PARD3: variants seen among roughly 807,000 people sequenced by gnomAD.
The protein encoded by PARD3 is par-3 family cell polarity regulator.
PARD3 carries 75 observed loss-of-function variants against 155.4 expected under a neutral mutation model. The ratio of observed to expected loss-of-function variants is 0.48; its 90% CI spans 0.40 to 0.58. The LOEUF is 0.58. Ranked by LOEUF, PARD3 falls within the 20% of genes least tolerant of loss-of-function variation. The pLI, the probability that PARD3 is intolerant of heterozygous loss-of-function variation, is 0.00. For synonymous variants in PARD3, 576 were observed against 610.5 expected, an observed-to-expected ratio of 0.94 and a Z score of 0.83; for missense variants, 1,642 against 1,721.7, an observed-to-expected ratio of 0.95 and a Z score of 0.82.
chr10:34,209,923 T>A (rs1951658218), intron 22 of PARD3, among the ~76,000 whole-genome samples: 1 of 152,182 alleles, frequency 6.6e-6, no homozygotes. Flanking sequence ...ACTTTAATAT[T>A]TATATGTAAA....
chr10:34,754,853 C>CA (rs1268477269), intron 1 of PARD3, among the ~76,000 whole-genome samples: 1 of 152,166 alleles, frequency 6.6e-6, no homozygotes, highest in Non-Finnish European at 1.5e-5. Context: ...TAACTAATAA[C>CA]AGAAAGAGAC....
chr10:34,195,639 G>C (rs1049833592), intron 22 of PARD3, among the ~76,000 whole-genome samples: 15 of 152,166 alleles, frequency 9.9e-5, no homozygotes, highest in African/African-American at 3.1e-4. Context: ...ACATAACTAA[G>C]AATATAAGGC....
intron 22 of PARD3, among the ~76,000 whole-genome samples, chr10:34,145,221 ATTTTTT>A (rs57442429): frequency 0.076 from 2,476 of 32,770 alleles, 71 homozygotes; most frequent in Non-Finnish European, 0.1. Flanking sequence ...ATATATATAT[ATTTTTT>A]TTTTTTTTTT....
At chr10:34,132,383 T>C (rs190779008) in intron 22 of PARD3, among the ~76,000 whole-genome samples, 1 of 114,568 alleles carries the variant, frequency 8.7e-6, no homozygotes, top group African/African-American at 3.4e-5. Context: ...AGAAGATAAG[T>C]GGTTCATTTG....
chr10:34,634,587 T>C (rs967901499), intron 2 of PARD3, among the ~76,000 whole-genome samples: 3 of 151,920 alleles, frequency 2.0e-5, no homozygotes, highest in African/African-American at 7.3e-5. Flanking sequence ...TACAAGGTTT[T>C]AAAGAATTGT....
chr10:34,269,800 CTCA>C lies in PARD3; in HGVS notation c.3273_3275del (p.Asp1091del), dbSNP rs1955524783. ...AAGAAGAAACTCCCCCATACATTAA[CTCA>C]TCATCACAGCCAAATGTCCGATGAA... On this transcript the variant is annotated inframe_deletion, in exon 22 of 25. Coordinates refer to ENST00000374788, the MANE Select transcript of PARD3 (RefSeq NM_001184785.2). The C allele has an allele frequency of 6.2e-7, 1 of 1,614,060 alleles. No homozygotes were observed. The highest frequency in any genetic ancestry group is 1.7e-5 in the Admixed American group (1 of 59,996).
intron 1 of PARD3, among the ~76,000 whole-genome samples, chr10:34,746,697 T>C (rs953725696): frequency 2.0e-5 from 3 of 152,092 alleles, no homozygotes; most frequent in African/African-American, 4.8e-5. Flanking sequence ...AAAAAGCAGC[T>C]ATGTACATAC....
chr10:34,203,459 T>A (rs1250713551), intron 22 of PARD3, among the ~76,000 whole-genome samples: 1 of 152,222 alleles, frequency 6.6e-6, no homozygotes, highest in East Asian at 1.9e-4. Flanking sequence ...CCAGGACACC[T>A]TGTGGATACC....
intron 1 of PARD3, among the ~76,000 whole-genome samples, chr10:34,808,684 C>G (rs901862342): frequency 5.9e-5 from 9 of 152,160 alleles, no homozygotes; most frequent in Non-Finnish European, 8.8e-5. Context: ...ATGGGGAGCT[C>G]AACATCACCA....
At chr10:34,476,235 G>A (rs887759950) in intron 3 of PARD3, among the ~76,000 whole-genome samples, 8 of 152,182 alleles carry the variant, frequency 5.3e-5, no homozygotes, top group Admixed American at 2.6e-4. Flanking sequence ...ATATTAAAGT[G>A]TCAGATTTTA....
chr10:34,728,227 C>G (rs963798108), intron 1 of PARD3, among the ~76,000 whole-genome samples: 1 of 152,108 alleles, frequency 6.6e-6, no homozygotes, highest in African/African-American at 2.4e-5. Context: ...AGAAAACACT[C>G]AAATTTAGGC....
chr10:34,784,428 G>A (rs1840684152), intron 1 of PARD3, among the ~76,000 whole-genome samples: 1 of 148,848 alleles, frequency 6.7e-6, no homozygotes, highest in African/African-American at 2.5e-5. Context: ...CACTCTCCTG[G>A]TATTTTCCAA....
intron 22 of PARD3, among the ~76,000 whole-genome samples, chr10:34,174,815 T>G (rs1949962581): frequency 6.6e-6 from 1 of 152,236 alleles, no homozygotes; most frequent in Non-Finnish European, 1.5e-5. Flanking sequence ...ATTGTTCTTC[T>G]ATATTATGGT....
chr10:34,479,932 C>T (rs1478092340), intron 3 of PARD3, among the ~76,000 whole-genome samples: 1 of 152,186 alleles, frequency 6.6e-6, no homozygotes, highest in Non-Finnish European at 1.5e-5. Flanking sequence ...GGGTATAGTG[C>T]CCTCTGCTCA....
chr10:34,624,717 C>A (rs2091892698), intron 2 of PARD3, among the ~76,000 whole-genome samples: 1 of 152,244 alleles, frequency 6.6e-6, no homozygotes, highest in South Asian at 2.1e-4. Context: ...GGCCCCTCTG[C>A]AACGCAGATC....
chr10:34,250,983 A>G (rs1224904463), intron 22 of PARD3, among the ~76,000 whole-genome samples: 1 of 152,222 alleles, frequency 6.6e-6, no homozygotes, highest in Non-Finnish European at 1.5e-5. Flanking sequence ...ACGATCTTCA[A>G]TCACATCCTC....
At chr10:34,459,704 A>T (rs2077526418) in intron 4 of PARD3, among the ~76,000 whole-genome samples, 1 of 152,090 alleles carries the variant, frequency 6.6e-6, no homozygotes, top group Non-Finnish European at 1.5e-5. Flanking sequence ...ATTTATCTAA[A>T]TATTTTTCGT....
intron 1 of PARD3, among the ~76,000 whole-genome samples, chr10:34,783,005 G>A (rs1221284965): frequency 3.9e-5 from 6 of 152,102 alleles, no homozygotes; most frequent in African/African-American, 7.2e-5. Context: ...GATTACAGGC[G>A]TGAGCCACCA....
Position 34,814,880 on chromosome 10 carries a change from G to A in PARD3, c.116C>T (p.Ala39Val). 2 of 1,521,516 alleles carry A rather than the reference G, an allele frequency of 1.3e-6. No homozygotes were observed. The highest frequency in any genetic ancestry group is 1.8e-6 in the Non-Finnish European group (2 of 1,133,850). The allele number at this position is 1,521,516 out of a possible 1,614,324, so 94.3% of individuals were successfully genotyped here. ...QAVTRYRKAI[A>V]KDPNYWIQVH... is the part of the protein sequence containing the mutation. Reference sequence around the variant, plus strand: ...CCCGCGCCCCCGGCCCCTCACCTTGGCGATGGCCTTCCGGTAGCGGGTCAC... The same window carrying A: ...CCCGCGCCCCCGGCCCCTCACCTTGACGATGGCCTTCCGGTAGCGGGTCAC... The change falls in exon 1 of 25, where the codon GCC (alanine) becomes GTC (valine). Residue 39 changes from alanine (A) to valine (V), a missense_variant. Around this residue, in one of 3 missense-constraint regions of PARD3, gnomAD observed 75 missense variants for 65.3 expected, o/e 1.15. Transcript: ENST00000374788.
Sources: allele counts gnomAD v4.1 joint callset (sites outside exome capture counted in the v4.1 genomes callset), GRCh38; gene constraint gnomAD v4.1.1; regional missense constraint gnomAD v4.1.1; transcripts MANE v1.5; gene names NCBI Gene and HGNC (gene_info 2026-07-23, HGNC 2026-07-21).